The following USP10 variants were observed in gnomAD, a reference collection of about 807,000 sequenced individuals.
USP10 encodes the protein ubiquitin carboxyl-terminal hydrolase 10.
In USP10, 22 loss-of-function variants were observed where a neutral mutation model predicts 84.5. The ratio of observed to expected loss-of-function variants is 0.26; its 90% CI spans 0.19 to 0.37. The LOEUF is 0.37. Ranked by LOEUF, USP10 falls within the 10% of genes least tolerant of loss-of-function variation. The pLI is 1.00. For missense variants in USP10, 1,019 were observed against 998.9 expected, an observed-to-expected ratio of 1.02 and a Z score of -0.27; for synonymous variants, 454 against 387.6, an observed-to-expected ratio of 1.17 and a Z score of -2.01.
At chr16:84,769,249 C>G (rs571495215) in intron 11 of USP10, among the ~76,000 whole-genome samples, 10 of 152,312 alleles carry the variant, frequency 6.6e-5, no homozygotes, top group African/African-American at 2.2e-4. Context: ...TGGGATGGAT[C>G]TATCCTTGGC....
chr16:84,774,596 G>C (rs1035357324), intron 12 of USP10, among the ~76,000 whole-genome samples: 1 of 151,564 alleles, frequency 6.6e-6, no homozygotes, highest in Admixed American at 6.6e-5. Flanking sequence ...TCAGCCTCCC[G>C]AGTAGCTGAG....
At chr16:84,715,831 C>T (rs186071421) in intron 1 of USP10, among the ~76,000 whole-genome samples, 303 of 152,242 alleles carry the variant, frequency 2.0e-3, no homozygotes, top group Non-Finnish European at 2.5e-3. Flanking sequence ...ATTTCTTCAT[C>T]TTTTCATTCT....
At chr16:84,765,561 A>G (rs983312802) in intron 10 of USP10, among the ~76,000 whole-genome samples, 7 of 151,316 alleles carry the variant, frequency 4.6e-5, no homozygotes, top group African/African-American at 1.2e-4. Context: ...TTAACTTAGT[A>G]TAATGTTCCC....
intron 1 of USP10, among the ~76,000 whole-genome samples, chr16:84,716,805 T>C (rs1398772315): frequency 3.3e-5 from 5 of 152,192 alleles, no homozygotes; most frequent in African/African-American, 1.2e-4. Flanking sequence ...CACCTTACAA[T>C]TACATGGGGA....
At chr16:84,702,148 C>G (rs1445788102) in intron 1 of USP10, among the ~76,000 whole-genome samples, 2 of 142,086 alleles carry the variant, frequency 1.4e-5, no homozygotes, top group African/African-American at 2.6e-5. Flanking sequence ...CCTCTGCCTC[C>G]CGGGTTCAAG....
intron 1 of USP10, among the ~76,000 whole-genome samples, chr16:84,726,607 C>G (rs1015770463): frequency 6.6e-6 from 1 of 152,156 alleles, no homozygotes; most frequent in Non-Finnish European, 1.5e-5. Flanking sequence ...CCCCTTTTCT[C>G]GAAGTGTTTC....
intron 1 of USP10, chr16:84,704,790 T>G (rs1905264171): frequency 1.3e-6 from 2 of 1,535,470 alleles, no homozygotes; most frequent in Non-Finnish European, 1.7e-6. Flanking sequence ...ACCCAGAAGC[T>G]CTACCAGCAC....
At chr16:84,772,788 C>A in intron 12 of USP10, 103 bp downstream of exon 12, 2 of 1,432,412 alleles carry the variant, frequency 1.4e-6, no homozygotes, top group East Asian at 2.4e-5. Context: ...TGAGGACATT[C>A]TCTTGCTGGA....
At chr16:84,709,482 G>A (rs1905990763) in intron 1 of USP10, among the ~76,000 whole-genome samples, 1 of 152,074 alleles carries the variant, frequency 6.6e-6, no homozygotes, top group Non-Finnish European at 1.5e-5. Flanking sequence ...TGGAAGAGGG[G>A]GTGGTACAAC....
At chr16:84,717,439 C>T (rs1041591685) in intron 1 of USP10, among the ~76,000 whole-genome samples, 2 of 152,126 alleles carry the variant, frequency 1.3e-5, no homozygotes, top group South Asian at 2.1e-4. Context: ...CTTCCCTGAC[C>T]CCAGTTCTTT....
intron 2 of USP10, among the ~76,000 whole-genome samples, chr16:84,738,584 C>T (rs1339916748): frequency 1.3e-5 from 2 of 152,156 alleles, no homozygotes; most frequent in Admixed American, 6.5e-5. Flanking sequence ...TTGCGGGTGC[C>T]AAGGCTAGTG....
At chr16:84,764,517 C>T (rs1245551317) in intron 10 of USP10, among the ~76,000 whole-genome samples, 3 of 152,178 alleles carry the variant, frequency 2.0e-5, no homozygotes, top group East Asian at 3.9e-4. Flanking sequence ...CAGCTGCTCA[C>T]TGCTAGGGAG....
In USP10 at chr16:84,772,605, G is replaced by T. The variant is rs745488756; in HGVS notation, c.2063G>T (p.Arg688Leu). 4 of 1,613,970 alleles carry T rather than the reference G, an allele frequency of 2.5e-6. No homozygotes were observed. In the South Asian group the frequency reaches 4.4e-5, roughly 18 times the overall value. The change falls in exon 12 of 14, where the codon CGA becomes CTA. Residue 688 changes from arginine (R) to leucine (L), a missense_variant. By Grantham distance (102) the Arg-to-Leu change is moderately radical. Around this residue, in one of 2 missense-constraint regions of USP10, gnomAD observed 232 missense variants for 290.1 expected, o/e 0.80. Coordinates refer to ENST00000219473, the MANE Select transcript of USP10 (RefSeq NM_005153.3). ...CCTGTCCTCGTGCTGCACCTGAAAC[G>T]ATTCGTTTATGAGAAGACTGGTGGG... ...LPPVLVLHLK[R>L]FVYEKTGGCQ...
chr16:84,750,930 C>T (rs1349633886), intron 4 of USP10, among the ~76,000 whole-genome samples: 1 of 152,052 alleles, frequency 6.6e-6, no homozygotes, highest in African/African-American at 2.4e-5. Context: ...GGTTTTATAC[C>T]TAAAAGGCAT....
At chr16:84,708,691 C>T (rs191294844) in intron 1 of USP10, among the ~76,000 whole-genome samples, 17 of 152,330 alleles carry the variant, frequency 1.1e-4, no homozygotes, top group African/African-American at 3.8e-4. Context: ...AAAACACTTC[C>T]CAACTCAGGT....
rs1373748977 is a variant in USP10 at position 84,779,778 on chromosome 16, TAATG to T, written c.*699_*702del. 1 of 152,658 alleles carries T rather than the reference TAATG, an allele frequency of 6.6e-6. No homozygotes were observed. Among genetic ancestry groups the T allele is most frequent in the Admixed American group, 6.5e-5 (1 of 15,282 alleles). The allele number at this position is 152,658 out of a possible 1,614,324, so 9.5% of individuals were successfully genotyped here. A position where few individuals can be genotyped will look rare whatever the true frequency, so the allele number is the denominator to read the frequency against. On this transcript the variant is annotated 3_prime_UTR_variant, in exon 14 of 14. Coordinates refer to ENST00000219473, the MANE Select transcript of USP10 (RefSeq NM_005153.3). ...GTACACATAATGAAAAATGGGCAAATAATGAAGATCTCTCCTTCAGTCTGCTCTG... is the reference window on the plus strand; with the variant it reads ...GTACACATAATGAAAAATGGGCAAATAAGATCTCTCCTTCAGTCTGCTCTG...
intron 4 of USP10, among the ~76,000 whole-genome samples, chr16:84,757,123 C>G (rs139757602): frequency 0.012 from 1,875 of 152,268 alleles, 21 homozygotes; most frequent in Non-Finnish European, 0.015. Flanking sequence ...CACAGTGTCC[C>G]TCACATGACA....
intron 4 of USP10, among the ~76,000 whole-genome samples, chr16:84,747,914 C>T (rs1911431493): frequency 6.6e-6 from 1 of 151,902 alleles, no homozygotes; most frequent in African/African-American, 2.4e-5. Context: ...ATTGCAAGGA[C>T]TGATACTGTA....
intron 1 of USP10, among the ~76,000 whole-genome samples, chr16:84,730,976 C>CTTTT (rs11401851): frequency 1.4e-4 from 15 of 105,062 alleles, no homozygotes; most frequent in African/African-American, 2.5e-4. Context: ...GCATTTCTAC[C>CTTTT]TTTTTTTTTT....
Sources: gnomAD v4.1 joint callset for allele counts (sites outside exome capture counted in the v4.1 genomes callset) on GRCh38, gnomAD v4.1.1 for gene constraint, gnomAD v4.1.1 regional missense constraint, MANE v1.5 for transcripts, NCBI Gene and HGNC (gene_info 2026-07-23, HGNC 2026-07-21) for gene names.